The following PDE1A variants were observed in gnomAD, a reference collection of about 807,000 sequenced individuals.
PDE1A encodes dual specificity calcium/calmodulin-dependent 3',5'-cyclic nucleotide phosphodiesterase 1A.
In PDE1A, 35 loss-of-function variants were observed where a neutral mutation model predicts 61.7. The ratio of observed to expected loss-of-function variants is 0.57; its 90% CI spans 0.43 to 0.75. The LOEUF is 0.75. PDE1A is among the 30% of genes least tolerant of loss of function. PDE1A has a pLI of 0.00. For synonymous variants in PDE1A, 232 were observed against 213.2 expected, an observed-to-expected ratio of 1.09 and a Z score of -0.77; for missense variants, 597 against 630.6, an observed-to-expected ratio of 0.95 and a Z score of 0.57.
At chr2:182,237,642 T>G (rs1167003050) in intron 3 of PDE1A, among the ~76,000 whole-genome samples, 1 of 152,040 alleles carries the variant, frequency 6.6e-6, no homozygotes, top group African/African-American at 2.4e-5. Flanking sequence ...CAATATATGA[T>G]TACAAACAGG....
chr2:182,382,512 T>C (rs1439979790), intron 1 of PDE1A, among the ~76,000 whole-genome samples: 1 of 152,180 alleles, frequency 6.6e-6, no homozygotes, highest in South Asian at 2.1e-4. Flanking sequence ...CCAGACTAGC[T>C]AACACCTTGA....
In PDE1A at chr2:182,483,157, C is replaced by T. The variant is rs373072907; in HGVS notation, c.101+39119G>A. ...TATAGCAATCATAGCTGTATACTTA[C>T]ACACAGAGACAGAAAATACCCAAAG... is the stretch of plus-strand genomic sequence containing the variant. On this transcript the variant is annotated intron_variant, in intron 2 of 14. Transcript: ENST00000410103. Among the ~76,000 whole-genome samples, 65 of 151,942 alleles carry T rather than the reference C, an allele frequency of 4.3e-4. 1 individual carries two copies. Among genetic ancestry groups the T allele is most frequent in the African/African-American group, 1.5e-3 (63 of 41,504 alleles).
At chr2:182,643,275 A>G in the PDE1A span, among the ~76,000 whole-genome samples, 1 of 152,186 alleles carries the variant, frequency 6.6e-6, no homozygotes, top group Non-Finnish European at 1.5e-5. Context: ...TTCTCATTTT[A>G]TACAGATTAA....
chr2:182,155,168 C>A (rs1161274841), intron 13 of PDE1A, among the ~76,000 whole-genome samples: 1 of 150,590 alleles, frequency 6.6e-6, no homozygotes, highest in Non-Finnish European at 1.5e-5. Flanking sequence ...CTCACTGCAG[C>A]CTCCACCTCC....
chr2:182,444,705 C>T (rs1384664277), intron 2 of PDE1A, among the ~76,000 whole-genome samples: 5 of 151,738 alleles, frequency 3.3e-5, no homozygotes, highest in African/African-American at 4.8e-5. Flanking sequence ...AATGGGCATA[C>T]CTAGCACCAA....
At chr2:182,184,639 G>A (rs1323183362) in intron 13 of PDE1A, among the ~76,000 whole-genome samples, 2 of 152,130 alleles carry the variant, frequency 1.3e-5, no homozygotes, top group Admixed American at 6.6e-5. Context: ...AAGAAGAAAT[G>A]AAGAATATCA....
At chr2:182,431,215 G>T (rs1703934881), upstream of PDE1A, among the ~76,000 whole-genome samples, 1 of 148,840 alleles carries the variant, frequency 6.7e-6, no homozygotes, top group Non-Finnish European at 1.5e-5. Context: ...TATGATTAGA[G>T]TACCTCACAC....
downstream of PDE1A, among the ~76,000 whole-genome samples, chr2:182,166,096 G>A (rs1691638906): frequency 6.6e-6 from 1 of 152,102 alleles, no homozygotes; most frequent in South Asian, 2.1e-4. Context: ...GTTTAAAGAG[G>A]TGCATAATGG....
the PDE1A span, among the ~76,000 whole-genome samples, chr2:182,550,886 C>T: frequency 1.3e-5 from 2 of 151,952 alleles, no homozygotes; most frequent in Non-Finnish European, 2.9e-5. Context: ...GCAAGAGGGG[C>T]TCAAAATTGT....
intron 13 of PDE1A, among the ~76,000 whole-genome samples, chr2:182,153,394 T>C (rs1027566054): frequency 1.3e-5 from 2 of 152,102 alleles, no homozygotes; most frequent in Non-Finnish European, 2.9e-5. Flanking sequence ...AGAAAAATGA[T>C]ATGCCAGGAA....
In PDE1A at chr2:182,212,420, T is replaced by C. The variant is rs1687698886; in HGVS notation, c.777-6355A>G. 1.3e-5 allele frequency among the ~76,000 whole-genome samples: 2 copies of C among 152,192 alleles called. 1 individual carries two copies. The highest frequency in any genetic ancestry group is 4.1e-4 in the South Asian group (2 of 4,832). On this transcript the variant is annotated intron_variant, in intron 7 of 13. Coordinates refer to ENST00000351439, the Ensembl canonical transcript of PDE1A. ...ACAATACATTGGGGAGGAGCCAAGA[T>C]GGCAGAATAGGAACAGCTCCGGTCT...
chr2:182,440,877 TA>T (rs903356520), intron 2 of PDE1A, among the ~76,000 whole-genome samples: 1 of 152,066 alleles, frequency 6.6e-6, no homozygotes, highest in African/African-American at 2.4e-5. Flanking sequence ...TTAGTATGCC[TA>T]AGCACTGAGT....
chr2:182,584,214 T>A, the PDE1A span, among the ~76,000 whole-genome samples: 1 of 151,954 alleles, frequency 6.6e-6, no homozygotes, highest in African/African-American at 2.4e-5. Context: ...GCTCTAGAGA[T>A]CTTGCAAGGA....
At chr2:182,501,925 A>G (rs1020956359) in intron 2 of PDE1A, among the ~76,000 whole-genome samples, 1 of 152,148 alleles carries the variant, frequency 6.6e-6, no homozygotes, top group Non-Finnish European at 1.5e-5. Flanking sequence ...CTAGTTCTGA[A>G]TCTGCCCTGA....
chr2:182,483,871 T>C (rs1407843092), intron 2 of PDE1A, among the ~76,000 whole-genome samples: 2 of 151,910 alleles, frequency 1.3e-5, no homozygotes, highest in African/African-American at 2.4e-5. Flanking sequence ...ATTTTACCTG[T>C]AGCTATGTTA....
At chr2:182,264,051 T>A (rs1208788903) in intron 2 of PDE1A, among the ~76,000 whole-genome samples, 4 of 152,214 alleles carry the variant, frequency 2.6e-5, no homozygotes, top group Admixed American at 2.0e-4. Context: ...GAGGAGATTT[T>A]TTTTTCACTT....
At chr2:182,694,501 A>G in the PDE1A span, among the ~76,000 whole-genome samples, 3 of 152,202 alleles carry the variant, frequency 2.0e-5, no homozygotes, top group Non-Finnish European at 4.4e-5. Context: ...GAAATGATCC[A>G]TGTAAAAGGG....
the PDE1A span, among the ~76,000 whole-genome samples, chr2:182,649,074 C>T: frequency 1.3e-5 from 2 of 152,132 alleles, no homozygotes; most frequent in Non-Finnish European, 2.9e-5. Context: ...CAGCAGGTAG[C>T]AGGCCCCTCT....
chr2:182,159,557 T>C (rs542334476), intron 13 of PDE1A, among the ~76,000 whole-genome samples: 3 of 152,316 alleles, frequency 2.0e-5, no homozygotes, highest in East Asian at 3.9e-4. Context: ...AGCATAATCT[T>C]ATATATATCA....
Sources: allele counts gnomAD v4.1 joint callset (sites outside exome capture counted in the v4.1 genomes callset), GRCh38; gene constraint gnomAD v4.1.1; transcripts MANE v1.5; gene names NCBI Gene and HGNC (gene_info 2026-07-23, HGNC 2026-07-21).